Variants in TMIGD3 observed in about 807,000 individuals in gnomAD.
TMIGD3 encodes the protein AD026 protein (AD026).
Under a neutral mutation model 28.1 loss-of-function variants are expected in TMIGD3, and 21 were observed. The ratio of observed to expected loss-of-function variants is 0.75; its 90% CI spans 0.53 to 1.08. TMIGD3 has a LOEUF of 1.08. Among genes scored for constraint, TMIGD3 ranks in the 50% least tolerant of loss-of-function variants. The pLI is 0.00. For missense variants in TMIGD3, 416 were observed against 435.6 expected (o/e 0.96, Z 0.40); for synonymous variants, 151 against 162.1 (o/e 0.93, Z 0.52).
chr1:111,491,523 C>A (rs1046899697), intron 1 of TMIGD3, among the ~76,000 whole-genome samples: 8 of 152,344 alleles, frequency 5.3e-5, no homozygotes, highest in South Asian at 4.1e-4. Context: ...CATCAAGGGT[C>A]ATACATAGAT....
At chr1:111,513,565 C>T (rs11102292) in intron 1 of TMIGD3, among the ~76,000 whole-genome samples, 32,713 of 152,100 alleles carry the variant, frequency 0.22, 4,158 homozygotes, top group East Asian at 0.43. Flanking sequence ...TCCATTCTCT[C>T]CCAGGCCTCC....
At chr1:111,499,243 T>C (rs1025918894) in intron 1 of TMIGD3, among the ~76,000 whole-genome samples, 4 of 152,058 alleles carry the variant, frequency 2.6e-5, no homozygotes, top group Non-Finnish European at 5.9e-5. Context: ...TCACAATAGA[T>C]GAATGGTTCA....
chr1:111,554,266 G>A (rs1657390500), intron 1 of TMIGD3, among the ~76,000 whole-genome samples: 1 of 152,198 alleles, frequency 6.6e-6, no homozygotes, highest in South Asian at 2.1e-4. Flanking sequence ...AGAACTGTAA[G>A]AACCTGTGGA....
chr1:111,504,434 C>T (rs1655403155), upstream of TMIGD3, among the ~76,000 whole-genome samples: 1 of 152,232 alleles, frequency 6.6e-6, no homozygotes, highest in Non-Finnish European at 1.5e-5. Context: ...TGGGAATCAG[C>T]CCCCTCTCCC....
intron 1 of TMIGD3, among the ~76,000 whole-genome samples, chr1:111,492,718 G>A (rs1260857665): frequency 6.6e-6 from 1 of 151,748 alleles, no homozygotes; most frequent in East Asian, 1.9e-4. Context: ...GGAGGCTGAG[G>A]CAGGAGAATC....
chr1:111,535,004 A>G (rs1344207350), intron 1 of TMIGD3, among the ~76,000 whole-genome samples: 1 of 152,236 alleles, frequency 6.6e-6, no homozygotes, highest in Non-Finnish European at 1.5e-5. Context: ...AAATTAGTAT[A>G]GTATCTAGCT....
At position 111,489,032 on chromosome 1, in the gene TMIGD3, AACACAC is replaced by A. The variant is rs10602160; in HGVS notation, c.458-14_458-9del. On this transcript the variant is annotated splice_polypyrimidine_tract_variant and intron_variant, in intron 2 of 5. Coordinates refer to ENST00000369716, the MANE Select transcript of TMIGD3 (RefSeq NM_020683.7). ...CATCCATGACCATGGCATCTGTGAAAACACACACACACACGCACACGTGCACACACA... is the reference window on the plus strand; with the variant it reads ...CATCCATGACCATGGCATCTGTGAAAACACACACGCACACGTGCACACACA... The A allele has an allele frequency of 0.072, 114,943 of 1,596,062 alleles. 5,798 individuals carry two copies. The highest frequency in any genetic ancestry group is 0.26 in the East Asian group (11,474 of 44,568).
intron 1 of TMIGD3, among the ~76,000 whole-genome samples, chr1:111,502,412 G>T (rs2486265): frequency 1.1e-5 from 1 of 92,314 alleles, no homozygotes; most frequent in South Asian, 3.3e-4. Context: ...ATTTATTATA[G>T]TGAATATATA....
At chr1:111,545,490 A>C (rs914478112) in intron 1 of TMIGD3, among the ~76,000 whole-genome samples, 2 of 151,900 alleles carry the variant, frequency 1.3e-5, no homozygotes, top group Non-Finnish European at 2.9e-5. Flanking sequence ...TTATTGTTGA[A>C]TTTTAAGGGT....
chr1:111,507,096 C>T (rs1571421887), upstream of TMIGD3, among the ~76,000 whole-genome samples: 1 of 145,242 alleles, frequency 6.9e-6, no homozygotes, highest in African/African-American at 2.6e-5. Flanking sequence ...GGAGAATTTC[C>T]CACCTAAAAG....
At chr1:111,525,606 G>A (rs1656237001) in intron 1 of TMIGD3, among the ~76,000 whole-genome samples, 1 of 152,310 alleles carries the variant, frequency 6.6e-6, no homozygotes, top group South Asian at 2.1e-4. Context: ...GCTCACGCCT[G>A]TAATCTCAGC....
intron 1 of TMIGD3, among the ~76,000 whole-genome samples, chr1:111,528,839 A>G (rs1656355144): frequency 6.6e-6 from 1 of 152,084 alleles, no homozygotes; most frequent in Non-Finnish European, 1.5e-5. Context: ...ATAGAGAAGC[A>G]ATTGACTTTT....
At chr1:111,509,200 T>C (rs1655612091) in intron 1 of TMIGD3, among the ~76,000 whole-genome samples, 3 of 151,796 alleles carry the variant, frequency 2.0e-5, no homozygotes, top group Admixed American at 2.0e-4. Flanking sequence ...CAGTAGGGGG[T>C]TGCAGTGGAA....
At chr1:111,513,967 G>T (rs1313836126) in intron 1 of TMIGD3, among the ~76,000 whole-genome samples, 1 of 152,160 alleles carries the variant, frequency 6.6e-6, no homozygotes, top group Admixed American at 6.5e-5. Context: ...TGGGAAGAAG[G>T]TCCAAGAATC....
At chr1:111,552,949 TA>T (rs1657328933) in intron 1 of TMIGD3, among the ~76,000 whole-genome samples, 1 of 152,236 alleles carries the variant, frequency 6.6e-6, no homozygotes, top group African/African-American at 2.4e-5. Flanking sequence ...CTAAATTTAT[TA>T]AGATTATATA....
chr1:111,510,966 G>A lies in TMIGD3; in HGVS notation c.108-20204C>T, dbSNP rs115994953. On this transcript the variant is annotated intron_variant, in intron 1 of 5. Coordinates refer to the TMIGD3 transcript ENST00000369717. ...GTGAGTCTTTTAATACAGCACTCAC[G>A]GGCACCCACATCCAGCAATATTTAG... Among the ~76,000 whole-genome samples the A allele has an allele frequency of 4.8e-3, 736 of 152,110 alleles. 5 individuals are homozygous for A. The highest frequency in any genetic ancestry group is 0.014 in the African/African-American group (590 of 41,486).
At chr1:111,499,529 T>C (rs1482014234) in intron 1 of TMIGD3, 2 of 1,001,602 alleles carry the variant, frequency 2.0e-6, no homozygotes, top group Non-Finnish European at 2.4e-6. Context: ...CAACATCTCC[T>C]AGGCATCCTC....
At chr1:111,504,136 A>G (rs1413386710), upstream of TMIGD3, 1 of 985,288 alleles carries the variant, frequency 1.0e-6, no homozygotes, top group African/African-American at 1.7e-5. Flanking sequence ...GGTCAAAGGG[A>G]TAAGCAAAGA....
chr1:111,556,431 TGAACA>T (rs1657495079), intron 1 of TMIGD3, among the ~76,000 whole-genome samples: 1 of 152,170 alleles, frequency 6.6e-6, no homozygotes, highest in African/African-American at 2.4e-5. Flanking sequence ...AGTGGGGACT[TGAACA>T]GATATTTGTA....
Sources: allele counts gnomAD v4.1 joint callset (sites outside exome capture counted in the v4.1 genomes callset), GRCh38; gene constraint gnomAD v4.1.1; transcripts MANE v1.5; gene names NCBI Gene and HGNC (gene_info 2026-07-23, HGNC 2026-07-21).